Variants in THTPA observed in about 807,000 individuals in gnomAD.
THTPA encodes thiamine triphosphatase.
In THTPA, 16 loss-of-function variants were observed where a neutral mutation model predicts 16.5. The observed-to-expected ratio is 0.97, with a 90% confidence interval of 0.66 to 1.47. The LOEUF (loss-of-function observed/expected upper bound fraction) is 1.47, where lower values mean the gene tolerates loss of function less well. Ranked by LOEUF, THTPA falls within the 40% of genes most tolerant of loss-of-function variation. The pLI is 0.00. For synonymous variants in THTPA, 110 were observed against 115.5 expected, an observed-to-expected ratio of 0.95 and a Z score of 0.30; for missense variants, 281 against 280.9, an observed-to-expected ratio of 1.00 and a Z score of 0.00.
the THTPA span, among the ~76,000 whole-genome samples, chr14:23,519,039 A>G: frequency 2.0e-5 from 3 of 152,128 alleles, no homozygotes; most frequent in African/African-American, 4.8e-5. Flanking sequence ...TTTGCCCCCA[A>G]ATTCCAGGGT....
Position 23,556,935 on chromosome 14 carries a change from A to T in THTPA, c.178A>T (p.Ser60Cys). ...ADHWLRRRED[S>C]GWELKCPGAA... ...CCACTGGCTGCGACGACGAGAGGAT[A>T]GTGGATGGGAGCTCAAATGTCCTGG... Residue 60 changes from serine to cysteine, a missense_variant, in exon 1 of 2, where the codon AGT (serine) becomes TGT (cysteine). Ser to Cys is a moderately radical substitution (Grantham distance 112, BLOSUM62 -1). Transcript: ENST00000288014. 1 of 1,614,142 alleles carries T rather than the reference A, an allele frequency of 6.2e-7. No individual in the cohort carries two copies. Among genetic ancestry groups the T allele is most frequent in the Non-Finnish European group, 8.5e-7 (1 of 1,180,010 alleles).
chr14:23,552,485 G>A (rs1483827170), upstream of THTPA, among the ~76,000 whole-genome samples: 1 of 152,050 alleles, frequency 6.6e-6, no homozygotes, highest in Non-Finnish European at 1.5e-5. Flanking sequence ...TAGAGACGGG[G>A]TTTCACCACG....
chr14:23,517,920 C>A, the THTPA span, among the ~76,000 whole-genome samples: 1 of 152,226 alleles, frequency 6.6e-6, no homozygotes, highest in Non-Finnish European at 1.5e-5. Flanking sequence ...CATTTGGTCA[C>A]TCTTCCTCTT....
At chr14:23,527,453 C>T in the THTPA span, 139 of 1,021,792 alleles carry the variant, frequency 1.4e-4, 1 homozygote, top group South Asian at 1.0e-3. Context: ...AAGGCCTTGT[C>T]GGACCGTCCT....
At chr14:23,549,323 C>G in the THTPA span, among the ~76,000 whole-genome samples, 20 of 152,104 alleles carry the variant, frequency 1.3e-4, no homozygotes, top group Non-Finnish European at 1.9e-4. Context: ...CCACCCCTTT[C>G]TTTCTTTAAT....
Position 23,559,621 on chromosome 14 carries a change from TG to T in THTPA, c.*783del. ...GGCTTTATTTGTGGGAGAAGGGGGC[TG>T]GTCCCCAGTTTTTGCAGTGCAAAGC... On this transcript the variant is annotated 3_prime_UTR_variant, in exon 2 of 2. Transcript: ENST00000288014. The T allele has an allele frequency of 1.3e-6, 1 of 750,952 alleles. No individual in the cohort carries two copies. The highest frequency in any genetic ancestry group is 2.3e-6 in the Non-Finnish European group (1 of 439,728). 46.5% of individuals were successfully genotyped at this position (750,952 alleles called of 1,614,324 possible).
At chr14:23,541,060 C>T in the THTPA span, among the ~76,000 whole-genome samples, 1 of 152,026 alleles carries the variant, frequency 6.6e-6, no homozygotes, top group Non-Finnish European at 1.5e-5. Context: ...GTGCATGCCA[C>T]CAGGCCTGGC....
the THTPA span, chr14:23,532,904 A>G: frequency 6.5e-7 from 1 of 1,536,100 alleles, no homozygotes; most frequent in Non-Finnish European, 8.7e-7. Flanking sequence ...GCTCCGGCCT[A>G]TGCTGCAGTG....
the THTPA span, chr14:23,534,525 T>C: frequency 3.3e-6 from 5 of 1,536,108 alleles, no homozygotes; most frequent in African/African-American, 4.1e-5. The surrounding 1 kb of genome is among the most constrained non-coding windows in gnomAD (Gnocchi z 4.5). Flanking sequence ...GGCCCTGATA[T>C]TGGGCAGGGG....
chr14:23,524,560 T>C, the THTPA span: 1 of 1,532,520 alleles, frequency 6.5e-7, no homozygotes, highest in Non-Finnish European at 8.7e-7. This position sits in a 1 kb window ranked among gnomAD's most constrained non-coding sequence, Gnocchi z 5.6. Flanking sequence ...GCTGCAGAGA[T>C]GGCAGGAAAT....
the THTPA span, chr14:23,533,500 G>A: frequency 1.3e-6 from 2 of 1,536,094 alleles, no homozygotes; most frequent in Non-Finnish European, 8.7e-7. This position sits in a 1 kb window ranked among gnomAD's most constrained non-coding sequence, Gnocchi z 4.8. Context: ...CAATCCAGGT[G>A]GCAGGCCCAG....
the THTPA span, chr14:23,521,809 G>C: frequency 3.8e-6 from 5 of 1,329,944 alleles, no homozygotes; most frequent in East Asian, 1.0e-4. Context: ...GAAGTGGGGT[G>C]TGTGGTGCCC....
chr14:23,531,386 G>A, the THTPA span: 16 of 1,322,856 alleles, frequency 1.2e-5, no homozygotes, highest in African/African-American at 6.0e-5. Flanking sequence ...GGCCCTCTTC[G>A]CCTTCCTTGT....
At chr14:23,542,765 GTGTCTC>G in the THTPA span, among the ~76,000 whole-genome samples, 1 of 151,594 alleles carries the variant, frequency 6.6e-6, no homozygotes, top group African/African-American at 2.4e-5. Context: ...TTTGGAGATG[GTGTCTC>G]TGTTGCCAGG....
chr14:23,514,124 C>T, the THTPA span: 1 of 152,388 alleles, frequency 6.6e-6, no homozygotes, highest in Non-Finnish European at 1.5e-5. Flanking sequence ...GGGAGGTTGA[C>T]AGTGCCTCTT....
the THTPA span, among the ~76,000 whole-genome samples, chr14:23,518,127 C>G: frequency 6.6e-6 from 1 of 152,098 alleles, no homozygotes; most frequent in Non-Finnish European, 1.5e-5. The surrounding 1 kb of genome is among the most constrained non-coding windows in gnomAD (Gnocchi z 4.5). Flanking sequence ...TCCCTGCAGC[C>G]CCCTCTGCTG....
chr14:23,515,061 C>T, the THTPA span, among the ~76,000 whole-genome samples: 16 of 152,266 alleles, frequency 1.1e-4, no homozygotes, highest in South Asian at 3.3e-3. Flanking sequence ...GTGGACCATA[C>T]ATATCCTTGG....
At chr14:23,534,776 A>G in the THTPA span, 7 of 1,536,212 alleles carry the variant, frequency 4.6e-6, no homozygotes, top group Non-Finnish European at 6.1e-6. This position sits in a 1 kb window ranked among gnomAD's most constrained non-coding sequence, Gnocchi z 4.5. Context: ...ATTTGGTCAG[A>G]AGAGCTAAAG....
At chr14:23,556,010 G>A (rs1012651182), upstream of THTPA, 1 of 152,286 alleles carries the variant, frequency 6.6e-6, no homozygotes, top group Non-Finnish European at 1.5e-5. Flanking sequence ...GCGCCTCGGG[G>A]TGCCTGGCTC....
Sources: gnomAD v4.1 joint callset for allele counts (sites outside exome capture counted in the v4.1 genomes callset) on GRCh38, gnomAD v4.1.1 for gene constraint, Gnocchi (gnomAD v3.1) non-coding constraint, MANE v1.5 for transcripts, NCBI Gene and HGNC (gene_info 2026-07-23, HGNC 2026-07-21) for gene names.